The following DST variants were observed in gnomAD, a reference collection of about 807,000 sequenced individuals.
The protein encoded by DST is bullous pemphigoid antigen.
DST carries 253 observed loss-of-function variants against 875.2 expected under a neutral mutation model. The observed-to-expected ratio is 0.29, with a 90% CI of 0.26 to 0.32. The LOEUF (loss-of-function observed/expected upper bound fraction) is 0.32, where lower values mean the gene tolerates loss of function less well. Ranked by LOEUF, DST falls within the 10% of genes least tolerant of loss-of-function variation. The pLI, the probability that DST is intolerant of heterozygous loss-of-function variation, is 1.00. For missense variants in DST, 8,287 were observed against 9,111.6 expected (o/e 0.91, Z 3.68); for synonymous variants, 3,124 against 3,197.1 (o/e 0.98, Z 0.77).
At chr6:56,610,005 T>C (rs933660274) in intron 39 of DST, among the ~76,000 whole-genome samples, 2 of 152,232 alleles carry the variant, frequency 1.3e-5, no homozygotes, top group Non-Finnish European at 2.9e-5. Context: ...ATCCTCACTA[T>C]AATGTATGGC....
intron 93 of DST, among the ~76,000 whole-genome samples, chr6:56,473,531 G>A (rs2095006978): frequency 6.6e-6 from 1 of 152,078 alleles, no homozygotes; most frequent in African/African-American, 2.4e-5. Context: ...TTTTTGTTAT[G>A]TTCAGCTTTA....
At chr6:56,900,292 T>C in intron 3 of DST, 129 bp downstream of exon 3, 1 of 712,322 alleles carries the variant, frequency 1.4e-6, no homozygotes. Flanking sequence ...ATGAGTACGC[T>C]GCCACTTGTT....
intron 2 of DST, among the ~76,000 whole-genome samples, chr6:56,919,422 G>T (rs1430893221): frequency 1.3e-5 from 2 of 151,964 alleles, no homozygotes; most frequent in Non-Finnish European, 2.9e-5. Context: ...TTTATTTCCT[G>T]CCAAGTGGGT....
intron 3 of DST, among the ~76,000 whole-genome samples, chr6:56,899,461 G>A (rs1425575681): frequency 6.6e-6 from 1 of 151,820 alleles, no homozygotes; most frequent in Non-Finnish European, 1.5e-5. Context: ...CTTGGCCTTC[G>A]CACAGTCTCC....
chr6:56,536,662 T>G, intron 62 of DST, 117 bp downstream of exon 62: 1 of 1,037,572 alleles, frequency 9.6e-7, no homozygotes, highest in South Asian at 2.3e-5. Context: ...TTTACAGTAA[T>G]ATAAAACAGT....
At chr6:56,636,351 T>TATATACACAC (rs2098825282) in intron 23 of DST, among the ~76,000 whole-genome samples, 1 of 142,320 alleles carries the variant, frequency 7.0e-6, no homozygotes, top group Non-Finnish European at 1.6e-5. Flanking sequence ...TGTATGTGTA[T>TATATACACAC]ATATATGTGT....
At chr6:56,575,099 G>A (rs774019050) in intron 50 of DST, among the ~76,000 whole-genome samples, 3 of 152,146 alleles carry the variant, frequency 2.0e-5, no homozygotes, top group Non-Finnish European at 4.4e-5. Context: ...TCAGCATACT[G>A]AGTGGGGAGG....
At position 56,604,590 on chromosome 6, in the gene DST, T is replaced by C. The variant is rs1363344926; in HGVS notation, c.10038A>G (p.Glu3346=). 6.2e-7 allele frequency: 1 copy of C among 1,611,904 alleles called. No individual in the cohort carries two copies. Among genetic ancestry groups the C allele is most frequent in the Non-Finnish European group, 8.5e-7 (1 of 1,178,974 alleles). ...RSQEKEVQIP[E]LSQVFVEDVK... Reference sequence around the variant, plus strand: ...CATCCTCCACAAATACCTGAGACAATTCAGGAATCTGAACCTCCTTTTCTT... The same window carrying C: ...CATCCTCCACAAATACCTGAGACAACTCAGGAATCTGAACCTCCTTTTCTT... Residue 3346 remains glutamate, a synonymous_variant, in exon 40 of 104, where the codon GAA becomes GAG. Coordinates refer to ENST00000680361, the MANE Select transcript of DST (RefSeq NM_001374736.1).
chr6:56,678,800 AC>A (rs1206161518), intron 9 of DST, among the ~76,000 whole-genome samples: 3 of 152,184 alleles, frequency 2.0e-5, no homozygotes, highest in Non-Finnish European at 4.4e-5. Context: ...TGGAGATGGG[AC>A]CAAAATTATC....
intron 4 of DST, among the ~76,000 whole-genome samples, chr6:56,820,725 C>T (rs1314444756): frequency 6.6e-6 from 1 of 152,074 alleles, no homozygotes; most frequent in Non-Finnish European, 1.5e-5. Context: ...CAAATACTTA[C>T]CAGTACATTA....
chr6:56,903,616 T>C (rs1321305767), intron 2 of DST, among the ~76,000 whole-genome samples: 3 of 152,100 alleles, frequency 2.0e-5, no homozygotes, highest in African/African-American at 7.2e-5. Context: ...TGCACCACCA[T>C]GCCCGGCTAA....
At position 56,608,914 on chromosome 6, in the gene DST, G is replaced by A. The variant is rs747570725; in HGVS notation, c.5714C>T (p.Ala1905Val). Residue 1905 changes from alanine to valine, a missense_variant, in exon 40 of 104, where the codon GCA becomes GTA. Ala to Val is a moderately conservative substitution (Grantham distance 64). Transcript: ENST00000680361. ...CCTTTCCAGAACTTTAGAAAATAAT[G>A]CTGAGGAAACCAAGTTCTGTTGGAA... is the stretch of plus-strand genomic sequence containing the variant. ...KAFQQNLVSS[A>V]LFSKVLERQN... is the part of the protein sequence containing the mutation. 36 of 1,613,624 alleles carry A rather than the reference G, an allele frequency of 2.2e-5. No homozygotes were observed. Among genetic ancestry groups the A allele is most frequent in the Non-Finnish European group, 2.8e-5 (33 of 1,179,790 alleles).
intron 9 of DST, chr6:56,692,629 G>A (rs2099238458): frequency 4.7e-6 from 6 of 1,289,702 alleles, no homozygotes; most frequent in Non-Finnish European, 6.1e-6. Context: ...AAAAACATCA[G>A]TTTTTTCCTG....
intron 2 of DST, among the ~76,000 whole-genome samples, chr6:56,943,443 T>C (rs1817745132): frequency 6.6e-6 from 1 of 151,280 alleles, no homozygotes; most frequent in Non-Finnish European, 1.5e-5. Context: ...TTTTTTTTTT[T>C]TGAGATAGAT....
intron 4 of DST, among the ~76,000 whole-genome samples, chr6:56,764,544 A>C (rs1461697570): frequency 6.6e-6 from 1 of 152,196 alleles, no homozygotes; most frequent in Non-Finnish European, 1.5e-5. Flanking sequence ...ACTTGAGAGC[A>C]ATGACCTTGT....
intron 4 of DST, among the ~76,000 whole-genome samples, chr6:56,821,994 T>C (rs777536702): frequency 1.3e-5 from 2 of 152,126 alleles, no homozygotes; most frequent in South Asian, 2.1e-4. Context: ...AAGAGAGATG[T>C]GGATAGAGAG....
At chr6:56,831,764 T>G (rs1476070262) in intron 4 of DST, among the ~76,000 whole-genome samples, 1 of 152,036 alleles carries the variant, frequency 6.6e-6, no homozygotes, top group Non-Finnish European at 1.5e-5. Flanking sequence ...TCTAAATCCT[T>G]CATCTCTTCC....
intron 79 of DST, 116 bp from the exon 80 acceptor site, chr6:56,501,351 G>A (rs2152458534): frequency 3.3e-6 from 4 of 1,227,350 alleles, no homozygotes; most frequent in Non-Finnish European, 4.4e-6. Flanking sequence ...AACGTATCCA[G>A]TGAAGCCTAA....
chr6:56,942,745 T>C (rs1246124915), intron 2 of DST, among the ~76,000 whole-genome samples: 1 of 144,452 alleles, frequency 6.9e-6, no homozygotes, highest in Non-Finnish European at 1.5e-5. Context: ...AGATAGGGCC[T>C]TGCTCTGCTG....
Sources: allele counts gnomAD v4.1 joint callset (sites outside exome capture counted in the v4.1 genomes callset), GRCh38; gene constraint gnomAD v4.1.1; transcripts MANE v1.5; gene names NCBI Gene and HGNC (gene_info 2026-07-23, HGNC 2026-07-21).